Variants in USP32 observed in about 807,000 individuals in gnomAD.
USP32 encodes the protein ubiquitin specific peptidase 32, also known as ubiquitin carboxyl-terminal hydrolase 32.
USP32 carries 59 observed loss-of-function variants against 204.8 expected under a neutral mutation model. The observed-to-expected ratio is 0.29, with a 90% CI of 0.23 to 0.36. The LOEUF (loss-of-function observed/expected upper bound fraction) is 0.36. Ranked by LOEUF, USP32 falls within the 10% of genes least tolerant of loss-of-function variation. USP32 has a pLI of 1.00. For missense variants in USP32, 1,160 were observed against 1,946.4 expected (o/e 0.60, Z 7.60); for synonymous variants, 517 against 678.4 (o/e 0.76, Z 3.70).
rs1303906702 is a variant in USP32, at chr17:60,384,856, C to G, written c.58+7026G>C. 2.6e-5 allele frequency among the ~76,000 whole-genome samples: 4 copies of G among 151,940 alleles called. No homozygotes were observed. The South Asian group carries it at 8.3e-4, about 32-fold the overall frequency. On this transcript the variant is annotated intron_variant, in intron 1 of 33. Transcript: ENST00000300896. The stretch of plus-strand genomic sequence containing the variant: ...GGCGTGGTGGCTCACGCCTGTAATT[C>G]CAGCATTTTGGGAGGTGGAGGCGGG...
intron 2 of USP32, among the ~76,000 whole-genome samples, chr17:60,343,960 G>A (rs1160933189): frequency 2.0e-5 from 3 of 151,666 alleles, no homozygotes. Context: ...CTTGAACCTG[G>A]GAGGCGAAAC....
Position 60,213,676 on chromosome 17 carries a change from A to G in USP32, c.2023-14T>C. ...AGTAAGGTAGTTCTGTGTAAGGAGG[A>G]GGAAATGTTTTTGTTATTTGGTTAG... On this transcript the variant is annotated splice_polypyrimidine_tract_variant and intron_variant, in intron 17 of 33. Transcript: ENST00000300896. The G allele has an allele frequency of 9.9e-7, 1 of 1,011,558 alleles. No individual in the cohort carries two copies. Among genetic ancestry groups the G allele is most frequent in the Non-Finnish European group, 1.4e-6 (1 of 699,668 alleles). The allele number at this position is 1,011,558 out of a possible 1,614,324, so 62.7% of individuals were successfully genotyped here.
intron 2 of USP32, among the ~76,000 whole-genome samples, chr17:60,307,365 T>A (rs1403428106): frequency 1.3e-5 from 2 of 152,200 alleles, no homozygotes; most frequent in Non-Finnish European, 2.9e-5. Flanking sequence ...TCTCCCAAAG[T>A]GCTGGGATTA....
At chr17:60,361,662 C>G (rs1476575618) in intron 1 of USP32, among the ~76,000 whole-genome samples, 1 of 152,122 alleles carries the variant, frequency 6.6e-6, no homozygotes, top group African/African-American at 2.4e-5. Flanking sequence ...TACAATTCAA[C>G]TTTTTAAAAA....
chr17:60,179,139 G>T lies in USP32; in HGVS notation c.*116C>A. The stretch of plus-strand genomic sequence containing the variant: ...TAGAATTTTTATTTTGTGCTTCAGG[G>T]CCACAGGATAAAATAACTACATTTA... On this transcript the variant is annotated 3_prime_UTR_variant, in exon 34 of 34. Coordinates refer to ENST00000300896, the MANE Select transcript of USP32 (RefSeq NM_032582.4). 1 of 1,170,658 alleles carries T rather than the reference G, an allele frequency of 8.5e-7. No homozygotes were observed. The highest frequency in any genetic ancestry group is 1.2e-6 in the Non-Finnish European group (1 of 847,908). 72.5% of individuals were successfully genotyped at this position (1,170,658 alleles called of 1,614,324 possible). A position where few individuals can be genotyped will look rare whatever the true frequency, so the allele number is the denominator to read the frequency against.
chr17:60,387,203 G>A lies in USP32; in HGVS notation c.58+4679C>T, dbSNP rs559631649. On this transcript the variant is annotated intron_variant, in intron 1 of 33. Transcript: ENST00000300896. ...ACATCATAGGTAGTATAAATCTAAC[G>A]AAATTTTAAGATTAATACTGAGAAA... is the stretch of plus-strand genomic sequence containing the variant. Among the ~76,000 whole-genome samples the A allele has an allele frequency of 1.2e-4, 18 of 152,196 alleles. No individual in the cohort carries two copies. The South Asian group carries it at 2.7e-3, about 23-fold the overall frequency.
chr17:60,311,488 C>T (rs2087852386), intron 2 of USP32, among the ~76,000 whole-genome samples: 1 of 152,046 alleles, frequency 6.6e-6, no homozygotes, highest in African/African-American at 2.4e-5. Context: ...TTATAACATA[C>T]CAAAAACCTA....
At chr17:60,258,538 C>G (rs113109088) in intron 9 of USP32, 1 of 153,862 alleles carries the variant, frequency 6.5e-6, no homozygotes, top group Non-Finnish European at 1.5e-5. Context: ...ACAAAAGTGA[C>G]TTTGTTGTTG....
At chr17:60,303,290 T>C (rs186987835) in intron 2 of USP32, among the ~76,000 whole-genome samples, 8 of 152,222 alleles carry the variant, frequency 5.3e-5, no homozygotes, top group Admixed American at 1.3e-4. Flanking sequence ...CCTTTATCCC[T>C]GGGGAAGGGC....
intron 2 of USP32, among the ~76,000 whole-genome samples, chr17:60,311,926 T>C (rs894102893): frequency 6.6e-6 from 1 of 152,180 alleles, no homozygotes; most frequent in African/African-American, 2.4e-5. Context: ...GTCATTCCAC[T>C]GTCTAATGGA....
chr17:60,178,189 A>G lies in USP32; in HGVS notation c.*1066T>C, dbSNP rs1227499719. ...CATTAAATACACTTATGAACTCCTA[A>G]TGTCTGGGATGTGTTTTGTTTGTAA... On this transcript the variant is annotated 3_prime_UTR_variant, in exon 34 of 34. Transcript: ENST00000300896. 6.6e-6 allele frequency among the ~76,000 whole-genome samples: 1 copy of G among 152,176 alleles called. No homozygotes were observed. Among genetic ancestry groups the G allele is most frequent in the African/African-American group, 2.4e-5 (1 of 41,430 alleles).
intron 1 of USP32, 71 bp downstream of exon 1, chr17:60,391,811 C>T (rs1413116455): frequency 3.2e-6 from 5 of 1,553,790 alleles, no homozygotes; most frequent in Middle Eastern, 1.7e-4. Context: ...CCTCTCCCTC[C>T]CGGTTACCCA....
chr17:60,183,301 C>T lies in USP32; in HGVS notation c.3987G>A (p.Gly1329=), dbSNP rs760631192. ...GAATCCTGGGCTCAGAGAGCTCATCCCCCTGGGGTGTGAGTGGTTTATGCT... is the reference window on the plus strand; with the variant it reads ...GAATCCTGGGCTCAGAGAGCTCATCTCCCTGGGGTGTGAGTGGTTTATGCT... The part of the protein sequence containing the change: ...LCQHKPLTPQ[G]DELSEPRILA... Residue 1329 remains glycine (G), a synonymous_variant, in exon 31 of 34, where the codon GGG becomes GGA. Coordinates refer to ENST00000300896, the MANE Select transcript of USP32 (RefSeq NM_032582.4). 1.9e-5 allele frequency: 31 copies of T among 1,613,866 alleles called. No homozygotes were observed. Among genetic ancestry groups the T allele is most frequent in the Non-Finnish European group, 2.6e-5 (31 of 1,179,874 alleles).
At chr17:60,388,000 G>C (rs1227155686) in intron 1 of USP32, among the ~76,000 whole-genome samples, 1 of 152,100 alleles carries the variant, frequency 6.6e-6, no homozygotes, top group South Asian at 2.1e-4. Context: ...ACTTAGTGGA[G>C]ATCACTGACC....
chr17:60,250,182 T>A (rs2086131839), intron 11 of USP32, among the ~76,000 whole-genome samples: 1 of 152,184 alleles, frequency 6.6e-6, no homozygotes, highest in African/African-American at 2.4e-5. Flanking sequence ...GGTCCTCAAC[T>A]TCTATAAATC....
At chr17:60,418,575 A>C (rs1454657712) in intron 1 of USP32, among the ~76,000 whole-genome samples, 5 of 152,148 alleles carry the variant, frequency 3.3e-5, no homozygotes, top group Non-Finnish European at 7.4e-5. Flanking sequence ...GTAAACAGAC[A>C]ACCTACAAAA....
chr17:60,419,817 A>AATTATTATTATT (rs113546748), intron 1 of USP32, among the ~76,000 whole-genome samples: 1 of 138,674 alleles, frequency 7.2e-6, no homozygotes, highest in Non-Finnish European at 1.5e-5. Context: ...GGTTAAAAAA[A>AATTATTATTATT]ATTATTATTA....
intron 11 of USP32, among the ~76,000 whole-genome samples, chr17:60,248,181 A>T (rs769692912): frequency 7.9e-5 from 12 of 152,102 alleles, no homozygotes; most frequent in Non-Finnish European, 1.3e-4. Context: ...TTTTTTCCTT[A>T]TATCACTTTC....
At chr17:60,192,019 G>A (rs1407943431) in intron 28 of USP32, among the ~76,000 whole-genome samples, 2 of 152,074 alleles carry the variant, frequency 1.3e-5, no homozygotes, top group Non-Finnish European at 2.9e-5. Context: ...GAGAGGCTTG[G>A]CGTGGTGGCT....
Sources: gnomAD v4.1 joint callset for allele counts (sites outside exome capture counted in the v4.1 genomes callset) on GRCh38, gnomAD v4.1.1 for gene constraint, MANE v1.5 for transcripts, NCBI Gene and HGNC (gene_info 2026-07-23, HGNC 2026-07-21) for gene names.